Variants in TPTE2 observed in about 807,000 individuals in gnomAD.
TPTE2 encodes phosphatidylinositol 3,4,5-trisphosphate 3-phosphatase TPTE2.
TPTE2 carries 53 observed loss-of-function variants against 78.6 expected under a neutral mutation model. The ratio of observed to expected loss-of-function variants is 0.67; its 90% CI spans 0.54 to 0.85. The LOEUF (loss-of-function observed/expected upper bound fraction) is 0.85, where lower values mean the gene tolerates loss of function less well. TPTE2 is among the 40% of genes least tolerant of loss of function. The pLI is 0.00. For synonymous variants in TPTE2, 175 were observed against 206.2 expected (o/e 0.85, Z 1.30); for missense variants, 461 against 623.0 (o/e 0.74, Z 2.77).
At position 19,535,601 on chromosome 13, in the gene TPTE2, C is replaced by T. The variant is rs1210534910; in HGVS notation, c.-44+995G>A. Among the ~76,000 whole-genome samples, 2 of 143,870 alleles carry T rather than the reference C, an allele frequency of 1.4e-5. No individual in the cohort carries two copies. The highest frequency in any genetic ancestry group is 5.1e-5 in the African/African-American group (2 of 39,252). 94.4% of individuals were successfully genotyped at this position (143,870 alleles called of 152,430 possible). On this transcript the variant is annotated intron_variant, in intron 1 of 17. Transcript: ENST00000390680. This position sits in a 1 kb window ranked among gnomAD's most constrained non-coding sequence, Gnocchi z 5.1. ...ACTGAGGTTCTAAGTAATACTATCT[C>T]CAGGATTTTCTTATTTATTTATTTA...
intron 1 of TPTE2, among the ~76,000 whole-genome samples, chr13:19,529,369 C>T (rs7336098): frequency 0.77 from 117,205 of 151,986 alleles, 46,800 homozygotes; most frequent in East Asian, 0.96. Flanking sequence ...TCAGGTGATC[C>T]GCCCGCCTCA....
intron 13 of TPTE2, among the ~76,000 whole-genome samples, chr13:19,439,452 A>G (rs1877347921): frequency 6.6e-6 from 1 of 152,234 alleles, no homozygotes; most frequent in East Asian, 1.9e-4. Context: ...TAGGAAAGGA[A>G]AGAAAAAGAA....
In TPTE2 at chr13:19,425,867, G is replaced by T. The variant is rs113780399; in HGVS notation, c.1395+558C>A. 3.7e-5 allele frequency: 19 copies of T among 510,502 alleles called. 1 individual carries two copies. Among genetic ancestry groups the T allele is most frequent in the South Asian group, 8.5e-5 (6 of 70,600 alleles). The allele number at this position is 510,502 out of a possible 1,614,324, so 31.6% of individuals were successfully genotyped here. On this transcript the variant is annotated intron_variant, in intron 18 of 19. Coordinates refer to ENST00000400230, the Ensembl canonical transcript of TPTE2. ...AATAAAAAACTGCTTTGGTTATTTC[G>T]TGTGTTGTATTGTGCTGCCTTCTCT...
chr13:19,506,543 T>C (rs543472787), upstream of TPTE2, among the ~76,000 whole-genome samples: 1 of 152,320 alleles, frequency 6.6e-6, no homozygotes, highest in South Asian at 2.1e-4. Flanking sequence ...CTCAATTGGC[T>C]GTGGGCTGAG....
At chr13:19,558,512 T>C in the TPTE2 span, among the ~76,000 whole-genome samples, 93,036 of 152,136 alleles carry the variant, frequency 0.61, 32,611 homozygotes, top group East Asian at 0.89. Context: ...TCTTTACCAC[T>C]ATTAAGTTTG....
At chr13:19,479,947 C>T (rs556348746) in intron 4 of TPTE2, among the ~76,000 whole-genome samples, 4 of 145,814 alleles carry the variant, frequency 2.7e-5, no homozygotes, top group Admixed American at 7.0e-5. Context: ...GGTGACAGAG[C>T]GAGACTCCGG....
chr13:19,441,594 AT>A (rs1877498714), intron 13 of TPTE2, among the ~76,000 whole-genome samples: 1 of 152,218 alleles, frequency 6.6e-6, no homozygotes, highest in Non-Finnish European at 1.5e-5. Context: ...AGGAAAAAGC[AT>A]TCACTAACAT....
chr13:19,462,366 G>A (rs1056000622), intron 10 of TPTE2, among the ~76,000 whole-genome samples: 3 of 151,660 alleles, frequency 2.0e-5, no homozygotes, highest in Non-Finnish European at 4.4e-5. Flanking sequence ...GCTCTACTAG[G>A]TATAGTATTC....
upstream of TPTE2, among the ~76,000 whole-genome samples, chr13:19,537,040 G>C (rs2487349): frequency 0.088 from 13,346 of 151,692 alleles, 1,862 homozygotes; most frequent in African/African-American, 0.3. Context: ...AGTAATACCA[G>C]CTAACTTTTG....
At chr13:19,431,394 T>A (rs1416160577) in intron 16 of TPTE2, among the ~76,000 whole-genome samples, 1 of 152,168 alleles carries the variant, frequency 6.6e-6, no homozygotes, top group African/African-American at 2.4e-5. Flanking sequence ...TCAATTCAAA[T>A]GACCCACTTC....
rs369180324 is a variant in TPTE2 at position 19,453,620 on chromosome 13, C to T, written c.742-2395G>A. On this transcript the variant is annotated intron_variant, in intron 10 of 19. Transcript: ENST00000400230. ...GTGTTTTCTGATCTAAGTAGTTTAC[C>T]GAAGACTGCAAATACCTCTTATCCA... is the stretch of plus-strand genomic sequence containing the variant. Among the ~76,000 whole-genome samples, 420 of 148,358 alleles carry T rather than the reference C, an allele frequency of 2.8e-3. 9 individuals carry two copies. In the South Asian group the frequency reaches 0.045, roughly 16 times the overall value.
At chr13:19,520,200 T>A (rs1870066692) in intron 1 of TPTE2, among the ~76,000 whole-genome samples, 1 of 152,092 alleles carries the variant, frequency 6.6e-6, no homozygotes, top group African/African-American at 2.4e-5. Flanking sequence ...AGAGTTTCAC[T>A]TTTTCCATTC....
chr13:19,523,502 G>A (rs554785342), intron 1 of TPTE2, among the ~76,000 whole-genome samples: 3 of 151,944 alleles, frequency 2.0e-5, no homozygotes, highest in Non-Finnish European at 2.9e-5. Context: ...TTGAAACAGA[G>A]TCTCGCTCTG....
chr13:19,475,634 A>G lies in TPTE2; in HGVS notation c.180-11T>C. On this transcript the variant is annotated splice_polypyrimidine_tract_variant and intron_variant, in intron 4 of 19. Coordinates refer to ENST00000400230, the Ensembl canonical transcript of TPTE2. ...TTCTTAATCTTGCTGCTGCAAAAAG[A>G]AGTAAAAATAAAATTAACCAGATTT... The G allele has an allele frequency of 1.2e-6, 2 of 1,607,022 alleles. No individual in the cohort carries two copies. The highest frequency in any genetic ancestry group is 2.2e-5 in the South Asian group (2 of 90,010).
intron 1 of TPTE2, among the ~76,000 whole-genome samples, chr13:19,530,504 A>G (rs1788672535): frequency 6.6e-6 from 1 of 152,172 alleles, no homozygotes. Flanking sequence ...ACTCCTTCAA[A>G]TGGTTGAAGT....
At chr13:19,517,743 G>C (rs1240769764) in intron 1 of TPTE2, among the ~76,000 whole-genome samples, 1 of 152,116 alleles carries the variant, frequency 6.6e-6, no homozygotes, top group East Asian at 1.9e-4. Context: ...TGGTGCTTTT[G>C]TGATTGTTGT....
chr13:19,471,544 G>A (rs1879613997), intron 6 of TPTE2, among the ~76,000 whole-genome samples: 1 of 151,938 alleles, frequency 6.6e-6, no homozygotes, highest in African/African-American at 2.4e-5. Context: ...AAGTAAAAAG[G>A]AAACTAATAA....
chr13:19,462,037 T>C (rs1352693633), intron 10 of TPTE2, among the ~76,000 whole-genome samples: 2 of 152,026 alleles, frequency 1.3e-5, no homozygotes, highest in African/African-American at 4.8e-5. Context: ...GATGAGGCTT[T>C]ATCCTGTCAT....
chr13:19,435,291 T>G (rs1335813009), intron 15 of TPTE2, among the ~76,000 whole-genome samples: 1 of 152,208 alleles, frequency 6.6e-6, no homozygotes, highest in African/African-American at 2.4e-5. Flanking sequence ...TTGTTAGATA[T>G]GATAAAAAGT....
Sources: allele counts gnomAD v4.1 joint callset (sites outside exome capture counted in the v4.1 genomes callset), GRCh38; gene constraint gnomAD v4.1.1; non-coding constraint Gnocchi (gnomAD v3.1); transcripts MANE v1.5; gene names NCBI Gene and HGNC (gene_info 2026-07-23, HGNC 2026-07-21).